RNF149: variants seen among roughly 807,000 people sequenced by gnomAD.
The protein encoded by RNF149 is E3 ubiquitin-protein ligase RNF149.
Under a neutral mutation model 39.0 loss-of-function variants are expected in RNF149, and 21 were observed. The observed-to-expected ratio is 0.54, with a 90% CI of 0.38 to 0.77. RNF149 has a LOEUF of 0.77. Ranked by LOEUF, RNF149 falls within the 30% of genes least tolerant of loss-of-function variation. RNF149 has a pLI of 0.00. For synonymous variants in RNF149, 209 were observed against 213.6 expected, an observed-to-expected ratio of 0.98 and a Z score of 0.19; for missense variants, 493 against 534.9, an observed-to-expected ratio of 0.92 and a Z score of 0.77.
At chr2:101,273,127 C>A, downstream of RNF149, 1 of 1,359,250 alleles carries the variant, frequency 7.4e-7, no homozygotes, top group Non-Finnish European at 9.8e-7. Context: ...AAATTATTAC[C>A]TGCCAAGTGG....
chr2:101,305,491 C>A (rs1683619245), intron 1 of RNF149, among the ~76,000 whole-genome samples: 1 of 152,156 alleles, frequency 6.6e-6, no homozygotes, highest in Admixed American at 6.5e-5. Context: ...CACACTGCTA[C>A]CAAACTAATT....
At chr2:101,294,894 C>T (rs1489067867) in intron 2 of RNF149, 37 bp downstream of exon 2, 1 of 1,542,602 alleles carries the variant, frequency 6.5e-7, no homozygotes, top group South Asian at 1.2e-5. Flanking sequence ...TATGAATTAT[C>T]TTTTAAAAAG....
chr2:101,306,074 G>T (rs1218745148), intron 1 of RNF149, among the ~76,000 whole-genome samples: 1 of 152,194 alleles, frequency 6.6e-6, no homozygotes, highest in Non-Finnish European at 1.5e-5. Context: ...GAACATCATG[G>T]TTGTTTTTCT....
Position 101,308,149 on chromosome 2 carries a change from G to A in RNF149, c.440C>T (p.Thr147Ile), listed in dbSNP as rs1166979281. 1 of 1,609,844 alleles carries A rather than the reference G, an allele frequency of 6.2e-7. No individual in the cohort carries two copies. Among genetic ancestry groups the A allele is most frequent in the Non-Finnish European group, 8.5e-7 (1 of 1,179,148 alleles). ...LYNEERYGNITLPMSHAGTGN... is the reference protein window; with the variant it reads ...LYNEERYGNIILPMSHAGTGN... ...CTCACCCGCGTGAGACATGGGCAAG[G>A]TGATGTTCCCGTAGCGCTCCTCATT... Residue 147 changes from threonine (T) to isoleucine (I), a missense_variant, in exon 1 of 7, where the codon ACC becomes ATC. Transcript: ENST00000295317.
At chr2:101,277,842 A>G (rs1682409789) in intron 6 of RNF149, among the ~76,000 whole-genome samples, 1 of 152,232 alleles carries the variant, frequency 6.6e-6, no homozygotes, top group Admixed American at 6.5e-5. Context: ...GTCTTTAAAG[A>G]CAGTCAGAGA....
At chr2:101,286,897 A>G (rs1280497076) in intron 4 of RNF149, among the ~76,000 whole-genome samples, 1 of 152,230 alleles carries the variant, frequency 6.6e-6, no homozygotes, top group African/African-American at 2.4e-5. Context: ...GCCCCACACC[A>G]GGGTTAGAGG....
At chr2:101,303,274 T>G (rs72986745) in intron 1 of RNF149, among the ~76,000 whole-genome samples, 1 of 100,162 alleles carries the variant, frequency 1.0e-5, no homozygotes, top group East Asian at 3.2e-4. Flanking sequence ...TGCCTCAACG[T>G]TGGCTCATTT....
chr2:101,294,014 C>A lies in RNF149; in HGVS notation c.780G>T (p.Lys260Asn), dbSNP rs138575347. The A allele has an allele frequency of 7.7e-6, 12 of 1,550,546 alleles. No homozygotes were observed. The South Asian group carries it at 1.4e-4, about 18-fold the overall frequency. The change falls in exon 3 of 7, where the codon AAG becomes AAT. Residue 260 changes from lysine to asparagine, a missense_variant and splice_region_variant. Coordinates refer to ENST00000295317, the MANE Select transcript of RNF149 (RefSeq NM_173647.4). Reference protein sequence around the residue: ...LLLHTVKHGEKGIDVDAENCA... With the variant: ...LLLHTVKHGENGIDVDAENCA... ...AAAAGAAAAACCATGAAAATATTAC[C>A]TTTTCTCCATGCTTTACAGTATGAA... is the stretch of plus-strand genomic sequence containing the variant.
chr2:101,295,477 T>C (rs1289621329), intron 1 of RNF149, among the ~76,000 whole-genome samples: 1 of 151,870 alleles, frequency 6.6e-6, no homozygotes, highest in African/African-American at 2.4e-5. Flanking sequence ...CTGGCCAACA[T>C]AGTGAAACCC....
rs1393042742 is a variant in RNF149, at chr2:101,276,522, A to C, written c.*716T>G. ...CATTTTCCTTAACAAGGCAATGAAG[A>C]ACTTAATGCTCATGTGCGATATAGA... On this transcript the variant is annotated 3_prime_UTR_variant, in exon 7 of 7. Transcript: ENST00000295317. The C allele has an allele frequency of 1.0e-6, 1 of 985,692 alleles. No homozygotes were observed. The highest frequency in any genetic ancestry group is 1.7e-5 in the African/African-American group (1 of 57,236). The allele number at this position is 985,692 out of a possible 1,614,324, so 61.1% of individuals were successfully genotyped here. A position where few individuals can be genotyped will look rare whatever the true frequency, so the allele number is the denominator to read the frequency against.
chr2:101,289,388 TTTTATTTA>T (rs796518326), intron 3 of RNF149, among the ~76,000 whole-genome samples: 63 of 152,224 alleles, frequency 4.1e-4, no homozygotes, highest in African/African-American at 1.4e-3. Flanking sequence ...TTTATTATTG[TTTTATTTA>T]TTTATTTATT....
chr2:101,273,990 A>G (rs1013261645), downstream of RNF149, among the ~76,000 whole-genome samples: 14 of 152,090 alleles, frequency 9.2e-5, no homozygotes, highest in African/African-American at 3.4e-4. Flanking sequence ...ACAGCTGCTG[A>G]TTAAGAAATC....
At chr2:101,295,717 A>G (rs2104419631) in intron 1 of RNF149, among the ~76,000 whole-genome samples, 1 of 152,074 alleles carries the variant, frequency 6.6e-6, no homozygotes, top group South Asian at 2.1e-4. Flanking sequence ...TCAGTTTCAC[A>G]GGTGAAATCT....
chr2:101,287,334 A>G (rs2104401400), intron 4 of RNF149, among the ~76,000 whole-genome samples: 1 of 152,346 alleles, frequency 6.6e-6, no homozygotes, highest in African/African-American at 2.4e-5. Flanking sequence ...AAAAAAATAA[A>G]AAAAACAGTA....
chr2:101,279,163 A>T (rs2104386506), intron 6 of RNF149, among the ~76,000 whole-genome samples: 1 of 152,352 alleles, frequency 6.6e-6, no homozygotes, highest in South Asian at 2.1e-4. Context: ...CAAAGAGAAA[A>T]ATAGAATGTG....
At chr2:101,301,504 G>C (rs1224433373) in intron 1 of RNF149, among the ~76,000 whole-genome samples, 1 of 151,906 alleles carries the variant, frequency 6.6e-6, no homozygotes, top group Admixed American at 6.6e-5. Context: ...ATTTTTTGTA[G>C]AGACGGGGTT....
In RNF149 at chr2:101,289,075, G is replaced by A. The variant is rs1311604001; in HGVS notation, c.781-20C>T. On this transcript the variant is annotated intron_variant, in intron 3 of 6. Coordinates refer to ENST00000295317, the MANE Select transcript of RNF149 (RefSeq NM_173647.4). The stretch of plus-strand genomic sequence containing the variant: ...AATTCCCTGTAAAAAGAAAAGGAAA[G>A]TGTTACTACATTCTTGGTACACAGT... 7.1e-7 allele frequency: 1 copy of A among 1,414,320 alleles called. No individual in the cohort carries two copies. The highest frequency in any genetic ancestry group is 1.2e-5 in the South Asian group (1 of 85,334). The allele number at this position is 1,414,320 out of a possible 1,614,324, so 87.6% of individuals were successfully genotyped here. A position where few individuals can be genotyped will look rare whatever the true frequency, so the allele number is the denominator to read the frequency against.
chr2:101,281,261 T>G (rs1376864741), intron 6 of RNF149, among the ~76,000 whole-genome samples: 1 of 152,082 alleles, frequency 6.6e-6, no homozygotes, highest in African/African-American at 2.4e-5. Flanking sequence ...TTTATCAACA[T>G]AGAAAGAGCT....
Position 101,308,572 on chromosome 2 carries a change from C to T in RNF149, c.17G>A (p.Arg6His), listed in dbSNP as rs1238966937. The T allele has an allele frequency of 6.4e-7, 1 of 1,560,832 alleles. No individual in the cohort carries two copies. Among genetic ancestry groups the T allele is most frequent in the Non-Finnish European group, 8.6e-7 (1 of 1,158,986 alleles). Residue 6 changes from arginine (R) to histidine (H), a missense_variant, in exon 1 of 7, where the codon CGC becomes CAC. Coordinates refer to ENST00000295317, the MANE Select transcript of RNF149 (RefSeq NM_173647.4). ...GCCGCGAGCCCCGACGCTGGCTTCG[C>T]GCCGCCGCCACGCCATGGCAGCACC... is the stretch of plus-strand genomic sequence containing the variant. MAWRR[R>H]EASVGARGVL...
Sources: gnomAD v4.1 joint callset for allele counts (sites outside exome capture counted in the v4.1 genomes callset) on GRCh38, gnomAD v4.1.1 for gene constraint, MANE v1.5 for transcripts, NCBI Gene and HGNC (gene_info 2026-07-23, HGNC 2026-07-21) for gene names.